Variants in TTC31 observed in about 807,000 individuals in gnomAD.
TTC31 encodes the protein tetratricopeptide repeat domain 31.
In TTC31, 59 loss-of-function variants were observed where a neutral mutation model predicts 60.4. The observed-to-expected ratio is 0.98, with a 90% confidence interval of 0.79 to 1.21. The LOEUF (loss-of-function observed/expected upper bound fraction) is 1.21, where lower values mean the gene tolerates loss of function less well. Among genes scored for constraint, TTC31 ranks in the 50% most tolerant of loss-of-function variants. The probability of loss-of-function intolerance (pLI) is 0.00; values close to 1 mark genes in which losing one functional copy is unlikely to be tolerated. For missense variants in TTC31, 672 were observed against 646.9 expected, an observed-to-expected ratio of 1.04 and a Z score of -0.42; for synonymous variants, 225 against 249.6, an observed-to-expected ratio of 0.90 and a Z score of 0.93.
intron 12 of TTC31, 51 bp from the exon 13 acceptor site, chr2:74,492,871 G>T: frequency 3.2e-6 from 5 of 1,583,386 alleles, no homozygotes; most frequent in Non-Finnish European, 4.3e-6. Flanking sequence ...GAGAGGCATG[G>T]GCTCTCCTGC....
At chr2:74,487,691 A>C (rs1572952328) in intron 2 of TTC31, among the ~76,000 whole-genome samples, 1 of 151,252 alleles carries the variant, frequency 6.6e-6, no homozygotes, top group Non-Finnish European at 1.5e-5. Flanking sequence ...TAATTTATTT[A>C]TTTTTATGAG....
chr2:74,492,476 A>ATT (rs890780577), intron 11 of TTC31, 31 bp downstream of exon 11: 6 of 1,524,504 alleles, frequency 3.9e-6, no homozygotes, highest in Admixed American at 4.3e-5. Flanking sequence ...AACAGGAGAG[A>ATT]TTTGAGTGGG....
intron 2 of TTC31, among the ~76,000 whole-genome samples, chr2:74,489,379 G>A (rs192019615): frequency 1.3e-5 from 2 of 152,312 alleles, no homozygotes; most frequent in Admixed American, 1.3e-4. Context: ...GCCTGGTGGT[G>A]GGAGGGAGGA....
chr2:74,491,140 C>T lies in TTC31; in HGVS notation c.559C>T (p.Arg187Trp), dbSNP rs769647127. 21 of 1,614,036 alleles carry T rather than the reference C, an allele frequency of 1.3e-5. No individual in the cohort carries two copies. Among genetic ancestry groups the T allele is most frequent in the South Asian group, 6.6e-5 (6 of 91,084 alleles). Reference protein sequence around the residue: ...KRLKKKRQKERKRQERLEQYC... With the variant: ...KRLKKKRQKEWKRQERLEQYC... The stretch of plus-strand genomic sequence containing the variant: ...ATTACTATTGCAGCGTCAAAAGGAA[C>T]GGAAGCGACAGGAGCGTTTGGAGCA... The change falls in exon 6 of 13, where the codon CGG becomes TGG. Residue 187 changes from arginine to tryptophan, a missense_variant. Physicochemically the swap from Arg to Trp is moderately radical, Grantham distance 101. Coordinates refer to ENST00000233623, the MANE Select transcript of TTC31 (RefSeq NM_022492.6).
At position 74,491,011 on chromosome 2, in the gene TTC31, G is replaced by T. The variant is rs569858270; in HGVS notation, c.547-117G>T. ...TTGTCTGCTTTTTCACCTGCAAAAT[G>T]AGGATAATAATGATGCCTGTCTCAT... On this transcript the variant is annotated intron_variant, in intron 5 of 12. Coordinates refer to ENST00000233623, the MANE Select transcript of TTC31 (RefSeq NM_022492.6). The T allele has an allele frequency of 4.2e-4, 588 of 1,395,628 alleles. 2 individuals carry two copies. In the African/African-American group the frequency reaches 7.5e-3, roughly 18 times the overall value. The allele number at this position is 1,395,628 out of a possible 1,614,324, so 86.5% of individuals were successfully genotyped here.
At chr2:74,486,582 G>C (rs1299015969) in intron 2 of TTC31, among the ~76,000 whole-genome samples, 1 of 152,138 alleles carries the variant, frequency 6.6e-6, no homozygotes, top group African/African-American at 2.4e-5. Context: ...GTGGAGTTGG[G>C]AAGTTTCTCC....
In TTC31 at chr2:74,483,378, A is replaced by C. The variant is rs749850269; in HGVS notation, c.97A>C (p.Lys33Gln). ...LEVAAAPKLC[K>Q]EFGPEDYGEE... ...GGTCGCTGCTGCACCCAAACTTTGCAAGGAATTCGGTCCAGAGGATTACGG... is the reference window on the plus strand; with the variant it reads ...GGTCGCTGCTGCACCCAAACTTTGCCAGGAATTCGGTCCAGAGGATTACGG... Residue 33 changes from lysine (K) to glutamine (Q), a missense_variant, in exon 2 of 13, where the codon AAG (lysine) becomes CAG (glutamine). By Grantham distance (53) the Lys-to-Gln change is moderately conservative. Coordinates refer to ENST00000233623, the MANE Select transcript of TTC31 (RefSeq NM_022492.6). 1.9e-6 allele frequency: 3 copies of C among 1,614,030 alleles called. No individual in the cohort carries two copies. The highest frequency in any genetic ancestry group is 1.7e-5 in the Admixed American group (1 of 59,998).
At chr2:74,487,713 C>T (rs1673296963) in intron 2 of TTC31, among the ~76,000 whole-genome samples, 1 of 152,048 alleles carries the variant, frequency 6.6e-6, no homozygotes. Flanking sequence ...CAGAGTCTCA[C>T]TCTGTCACCC....
Position 74,493,325 on chromosome 2 carries a change from A to G in TTC31, c.*107A>G, listed in dbSNP as rs1572969098. ...TTTTGAGACCTTATTCTCTAGATCCATAGTTAATGATGCCCTGGCAGTCAT... is the reference window on the plus strand; with the variant it reads ...TTTTGAGACCTTATTCTCTAGATCCGTAGTTAATGATGCCCTGGCAGTCAT... On this transcript the variant is annotated 3_prime_UTR_variant, in exon 13 of 13. Coordinates refer to ENST00000233623, the MANE Select transcript of TTC31 (RefSeq NM_022492.6). The G allele has an allele frequency of 7.9e-6, 9 of 1,142,708 alleles. No individual in the cohort carries two copies. The highest frequency in any genetic ancestry group is 1.1e-5 in the Non-Finnish European group (9 of 819,480). 70.8% of individuals were successfully genotyped at this position (1,142,708 alleles called of 1,614,324 possible).
At chr2:74,491,251 G>C in intron 6 of TTC31, 44 bp from the exon 7 acceptor site, 1 of 1,614,094 alleles carries the variant, frequency 6.2e-7, no homozygotes, top group Non-Finnish European at 8.5e-7. Context: ...AAAGCAGGCA[G>C]CTCAAGGTGA....
At position 74,491,664 on chromosome 2, in the gene TTC31, A is replaced by T; in HGVS notation, c.868A>T (p.Lys290Ter). Residue 290 changes from lysine (K) to a stop codon, truncating the protein, a stop_gained, in exon 8 of 13, where the codon AAG (lysine) becomes TAG (stop). Transcript: ENST00000233623. LOFTEE classifies it high-confidence loss of function. ...AGAGGAGAGGCCCCAGCAGAGTCCA[A>T]AGGTACAGGTGAGGTGGCTGAAGAA... The part of the protein sequence containing the change: ...PREERPQQSP[K>*]VQASPGLLAA... 1 of 1,614,068 alleles carries T rather than the reference A, an allele frequency of 6.2e-7. No individual in the cohort carries two copies. The highest frequency in any genetic ancestry group is 1.1e-5 in the South Asian group (1 of 91,080).
chr2:74,488,009 C>T (rs1166478237), intron 2 of TTC31, among the ~76,000 whole-genome samples: 1 of 152,210 alleles, frequency 6.6e-6, no homozygotes, highest in Non-Finnish European at 1.5e-5. Context: ...GGGTCTCCCT[C>T]TGTTACCCAG....
intron 5 of TTC31, 60 bp from the exon 6 acceptor site, chr2:74,491,068 C>T: frequency 6.2e-7 from 1 of 1,601,114 alleles, no homozygotes; most frequent in Non-Finnish European, 8.6e-7. Flanking sequence ...GAAATCTTAG[C>T]CCAGCACACG....
At chr2:74,490,589 C>A (rs188282931) in intron 4 of TTC31, 67 bp from the exon 5 acceptor site, 4 of 1,566,924 alleles carry the variant, frequency 2.6e-6, no homozygotes, top group African/African-American at 2.7e-5. Context: ...ACTGCCTGCC[C>A]CCTTTCATGT....
chr2:74,491,739 C>A, intron 8 of TTC31, 67 bp downstream of exon 8: 2 of 1,561,260 alleles, frequency 1.3e-6, no homozygotes, highest in Non-Finnish European at 1.7e-6. Context: ...GCTGGGGAGG[C>A]ACAGGGTCTA....
At chr2:74,490,849 T>C in intron 5 of TTC31, 110 bp downstream of exon 5, 1 of 1,185,526 alleles carries the variant, frequency 8.4e-7, no homozygotes, top group South Asian at 1.5e-5. Flanking sequence ...CAGTGGACTC[T>C]CTTGCCAGGA....
rs1672660087 is a variant in TTC31 at position 74,483,303 on chromosome 2, C to G, written c.41-19C>G. The G allele has an allele frequency of 3.1e-6, 5 of 1,613,714 alleles. No individual in the cohort carries two copies. In the South Asian group the frequency reaches 3.3e-5, roughly 11 times the overall value. On this transcript the variant is annotated intron_variant, in intron 1 of 12. Transcript: ENST00000233623. ...CTGTCCCGAGCCCGCTGACGAGGCT[C>G]CGCCTTCCTTTCCTGTAGACTGCTC...
At chr2:74,491,205 C>T in intron 6 of TTC31, 21 bp downstream of exon 6, 1 of 1,614,082 alleles carries the variant, frequency 6.2e-7, no homozygotes. Flanking sequence ...AGGGCAGGTA[C>T]TAAGAGCACC....
Position 74,483,426 on chromosome 2 carries a change from A to G in TTC31, c.129+16A>G, listed in dbSNP as rs1672681975. ...CGGCGAAGAGGTAAAAGCGACCCTC[A>G]GTTTCCCCCAGTCCTGCTCATTTTG... is the stretch of plus-strand genomic sequence containing the variant. On this transcript the variant is annotated intron_variant, in intron 2 of 12. Coordinates refer to ENST00000233623, the MANE Select transcript of TTC31 (RefSeq NM_022492.6). 2 of 1,614,170 alleles carry G rather than the reference A, an allele frequency of 1.2e-6. No homozygotes were observed. The highest frequency in any genetic ancestry group is 1.1e-5 in the South Asian group (1 of 91,086).
Sources: allele counts gnomAD v4.1 joint callset (sites outside exome capture counted in the v4.1 genomes callset), GRCh38; gene constraint gnomAD v4.1.1; transcripts MANE v1.5; gene names NCBI Gene and HGNC (gene_info 2026-07-23, HGNC 2026-07-21).